The following SNTG1 variants were observed in gnomAD, a reference collection of about 807,000 sequenced individuals.
The protein encoded by SNTG1 is gamma-1-syntrophin.
SNTG1 carries 39 observed loss-of-function variants against 74.7 expected under a neutral mutation model. The ratio of observed to expected loss-of-function variants is 0.52; its 90% confidence interval spans 0.40 to 0.68. The LOEUF (loss-of-function observed/expected upper bound fraction) is 0.68, where lower values mean the gene tolerates loss of function less well. Among genes scored for constraint, SNTG1 ranks in the 30% least tolerant of loss-of-function variants. The pLI is 0.00. For missense variants in SNTG1, 685 were observed against 609.5 expected, an observed-to-expected ratio of 1.12 and a Z score of -1.30; for synonymous variants, 254 against 217.1, an observed-to-expected ratio of 1.17 and a Z score of -1.49.
intron 1 of SNTG1, among the ~76,000 whole-genome samples, chr8:50,050,536 A>G (rs1470327696): frequency 6.6e-6 from 1 of 152,088 alleles, no homozygotes; most frequent in East Asian, 1.9e-4. Flanking sequence ...GAGTAAACAG[A>G]TTGAATTATA....
intron 15 of SNTG1, among the ~76,000 whole-genome samples, chr8:50,689,526 T>G (rs2095368116): frequency 6.6e-6 from 1 of 152,306 alleles, no homozygotes; most frequent in Non-Finnish European, 1.5e-5. Context: ...TTGTCTTTGG[T>G]TCTGTTTATA....
intron 1 of SNTG1, among the ~76,000 whole-genome samples, chr8:49,923,745 T>C (rs1201898705): frequency 6.6e-6 from 1 of 152,132 alleles, no homozygotes; most frequent in Non-Finnish European, 1.5e-5. Flanking sequence ...ACTTAGCATA[T>C]CTTTTTGTAA....
chr8:50,030,001 C>T (rs1817612882), intron 1 of SNTG1, among the ~76,000 whole-genome samples: 1 of 152,078 alleles, frequency 6.6e-6, no homozygotes, highest in Admixed American at 6.5e-5. Flanking sequence ...GACATCCTCA[C>T]CAGCATTTTT....
At position 50,191,243 on chromosome 8, in the gene SNTG1, A is replaced by G. The variant is rs1160608582; in HGVS notation, c.-28+18608A>G. Among the ~76,000 whole-genome samples, 4 of 146,030 alleles carry G rather than the reference A, an allele frequency of 2.7e-5. No individual in the cohort carries two copies. The South Asian group carries it at 9.3e-4, about 34-fold the overall frequency. On this transcript the variant is annotated intron_variant, in intron 2 of 18. Transcript: ENST00000642720. Reference sequence around the variant, plus strand: ...TGTCCTCACTATAAGCATTACATACAGCCATTTGGTAATGGTAAGAAAACT... The same window carrying G: ...TGTCCTCACTATAAGCATTACATACGGCCATTTGGTAATGGTAAGAAAACT...
intron 1 of SNTG1, among the ~76,000 whole-genome samples, chr8:50,049,479 C>T (rs926295965): frequency 2.6e-5 from 4 of 152,012 alleles, no homozygotes; most frequent in East Asian, 1.9e-4. Flanking sequence ...TAAAAACAGA[C>T]GATCTTTATT....
chr8:50,214,788 C>T (rs2084698188), intron 2 of SNTG1, among the ~76,000 whole-genome samples: 1 of 152,042 alleles, frequency 6.6e-6, no homozygotes, highest in African/African-American at 2.4e-5. Context: ...ATAAAAGGGA[C>T]CTGGCAAATA....
rs74984770 is a variant in SNTG1, at chr8:50,309,285, C to T, written c.-27-84927C>T. ...CAGGATTTCATGATAAGAGGGAAGC[C>T]GCGTATTTACTCTTTTCTCTCAGGT... is the stretch of plus-strand genomic sequence containing the variant. On this transcript the variant is annotated intron_variant, in intron 2 of 18. Coordinates refer to ENST00000642720, the MANE Select transcript of SNTG1 (RefSeq NM_018967.5). 4.2e-3 allele frequency among the ~76,000 whole-genome samples: 637 copies of T among 151,780 alleles called. 2 individuals are homozygous for T. Among genetic ancestry groups the T allele is most frequent in the African/African-American group, 0.013 (534 of 41,378 alleles).
At chr8:50,433,679 T>C (rs1016136194) in intron 4 of SNTG1, among the ~76,000 whole-genome samples, 1 of 152,184 alleles carries the variant, frequency 6.6e-6, no homozygotes, top group African/African-American at 2.4e-5. Context: ...TGATAATTAC[T>C]TAGAATAATG....
intron 15 of SNTG1, among the ~76,000 whole-genome samples, chr8:50,693,318 G>T (rs1378225385): frequency 6.6e-6 from 1 of 152,104 alleles, no homozygotes; most frequent in Non-Finnish European, 1.5e-5. Flanking sequence ...AGTTGGAAAT[G>T]CAGAAATCAC....
At chr8:50,291,954 A>G (rs1206255511) in intron 2 of SNTG1, among the ~76,000 whole-genome samples, 3 of 151,958 alleles carry the variant, frequency 2.0e-5, no homozygotes, top group Non-Finnish European at 4.4e-5. Context: ...ATTGAAATGG[A>G]GGGAAGTTCA....
chr8:50,103,661 A>G (rs1418162912), intron 1 of SNTG1, among the ~76,000 whole-genome samples: 8 of 152,188 alleles, frequency 5.3e-5, no homozygotes, highest in Admixed American at 2.0e-4. Context: ...GAATGCTTCC[A>G]GTTTTTCCCC....
At chr8:50,324,259 T>C (rs28640202) in intron 2 of SNTG1, among the ~76,000 whole-genome samples, 9,872 of 152,236 alleles carry the variant, frequency 0.065, 348 homozygotes, top group Non-Finnish European at 0.071. Flanking sequence ...GCACTGAGTT[T>C]GATGTAAAGT....
At chr8:50,219,472 G>A (rs1454816445) in intron 2 of SNTG1, among the ~76,000 whole-genome samples, 1 of 152,090 alleles carries the variant, frequency 6.6e-6, no homozygotes, top group African/African-American at 2.4e-5. Flanking sequence ...CCTGAGACTG[G>A]GTAACTTATA....
chr8:50,722,676 A>G (rs1228469308), intron 17 of SNTG1, among the ~76,000 whole-genome samples: 2 of 152,178 alleles, frequency 1.3e-5, no homozygotes, highest in Non-Finnish European at 2.9e-5. Context: ...TTTACCACAT[A>G]CATGGCTTTT....
chr8:50,763,214 G>A (rs377104685), intron 18 of SNTG1, among the ~76,000 whole-genome samples: 2 of 151,970 alleles, frequency 1.3e-5, no homozygotes, highest in African/African-American at 4.8e-5. Context: ...GAGAGTTGTC[G>A]ATTTTTCAGT....
At chr8:50,029,716 A>G (rs1302866228) in intron 1 of SNTG1, among the ~76,000 whole-genome samples, 1 of 152,132 alleles carries the variant, frequency 6.6e-6, no homozygotes, top group Non-Finnish European at 1.5e-5. Flanking sequence ...TCCATTGTGT[A>G]TATGTACCAC....
intron 1 of SNTG1, among the ~76,000 whole-genome samples, chr8:49,928,915 A>C (rs1189040592): frequency 6.6e-6 from 1 of 152,128 alleles, no homozygotes; most frequent in Non-Finnish European, 1.5e-5. Flanking sequence ...ATGACTAAGC[A>C]TCCATGTCAA....
rs562089547 is a variant in SNTG1 at position 50,672,189 on chromosome 8, T to TATA, written c.1038+13537_1038+13539dup. 5.9e-3 allele frequency among the ~76,000 whole-genome samples: 887 copies of TATA among 150,530 alleles called. 2 individuals are homozygous for TATA. The highest frequency in any genetic ancestry group is 0.031 in the Middle Eastern group (9 of 292). ...TGCACATGTACCCTAAAACTTAAAG[T>TATA]ATAATAATAATAAAAAAAAATGTCT... On this transcript the variant is annotated intron_variant, in intron 15 of 18. Transcript: ENST00000642720.
intron 18 of SNTG1, among the ~76,000 whole-genome samples, chr8:50,758,638 C>A (rs1422412218): frequency 6.6e-6 from 1 of 152,060 alleles, no homozygotes; most frequent in Admixed American, 6.6e-5. Flanking sequence ...CATGTCCCTG[C>A]AAAGGACATG....
Sources: allele counts gnomAD v4.1 joint callset (sites outside exome capture counted in the v4.1 genomes callset), GRCh38; gene constraint gnomAD v4.1.1; transcripts MANE v1.5; gene names NCBI Gene and HGNC (gene_info 2026-07-23, HGNC 2026-07-21).